ARID2: variants seen among roughly 807,000 people sequenced by gnomAD.
ARID2 encodes AT-rich interactive domain-containing protein 2.
A neutral mutation model predicts 184.6 loss-of-function variants in ARID2; 32 were observed. That is an observed-to-expected ratio of 0.17 (90% CI 0.13 to 0.23). The LOEUF is 0.23. Among genes scored for constraint, ARID2 ranks in the 10% least tolerant of loss-of-function variants. The pLI is 1.00. For missense variants in ARID2, 1,696 were observed against 2,197.6 expected, an observed-to-expected ratio of 0.77 and a Z score of 4.56; for synonymous variants, 836 against 772.6, an observed-to-expected ratio of 1.08 and a Z score of -1.36.
intron 11 of ARID2, 42 bp from the exon 12 acceptor site, chr12:45,846,814 A>T: frequency 6.3e-7 from 1 of 1,590,202 alleles, no homozygotes; most frequent in South Asian, 1.1e-5. Flanking sequence ...AATAGTGACT[A>T]ACTTTTAAGA....
intron 3 of ARID2, among the ~76,000 whole-genome samples, chr12:45,746,057 G>A: frequency 6.6e-6 from 1 of 150,428 alleles, no homozygotes; most frequent in East Asian, 1.9e-4. Flanking sequence ...TTTAGATGGA[G>A]ACCTCTACTG....
intron 20 of ARID2, 106 bp downstream of exon 20, chr12:45,893,827 A>C: frequency 9.7e-7 from 1 of 1,032,292 alleles, no homozygotes; most frequent in Non-Finnish European, 1.3e-6. Flanking sequence ...TTTTCTCATC[A>C]ATTTTGCAAA....
At chr12:45,768,519 T>C (rs1941812300) in intron 3 of ARID2, among the ~76,000 whole-genome samples, 1 of 152,164 alleles carries the variant, frequency 6.6e-6, no homozygotes, top group Non-Finnish European at 1.5e-5. Flanking sequence ...GGGGGAGAAG[T>C]ATGCTGTAAG....
chr12:45,815,623 T>TG (rs1565606659), intron 4 of ARID2, among the ~76,000 whole-genome samples: 19 of 148,466 alleles, frequency 1.3e-4, no homozygotes, highest in African/African-American at 1.8e-4. Flanking sequence ...GTGTGTGTGT[T>TG]TTTAACTTTT....
chr12:45,761,418 A>G (rs1941676538), intron 3 of ARID2, among the ~76,000 whole-genome samples: 1 of 152,018 alleles, frequency 6.6e-6, no homozygotes, highest in East Asian at 1.9e-4. Flanking sequence ...TTTTGTGGTA[A>G]ACATTGAGGC....
chr12:45,742,660 C>T (rs1460034555), intron 3 of ARID2, among the ~76,000 whole-genome samples: 1 of 152,068 alleles, frequency 6.6e-6, no homozygotes, highest in African/African-American at 2.4e-5. Context: ...GTAGCTATAT[C>T]CTAGTTTATT....
intron 16 of ARID2, among the ~76,000 whole-genome samples, chr12:45,861,607 CAG>C (rs1943750404): frequency 1.9e-5 from 2 of 106,166 alleles, no homozygotes; most frequent in Admixed American, 1.3e-4. Flanking sequence ...TTTTTGGAAA[CAG>C]AGTCTCGCTC....
Position 45,905,940 on chromosome 12 carries a change from CTT to C in ARID2, c.*872_*873del, listed in dbSNP as rs1362533296. 3 of 179,026 alleles carry C rather than the reference CTT, an allele frequency of 1.7e-5. No homozygotes were observed. Among genetic ancestry groups the C allele is most frequent in the African/African-American group, 2.8e-5 (1 of 36,132 alleles). The allele number at this position is 179,026 out of a possible 1,614,324, so 11.1% of individuals were successfully genotyped here. A position where few individuals can be genotyped will look rare whatever the true frequency, so the allele number is the denominator to read the frequency against. ...GAACTGTGATTTTTTTTTCTTTTTT[CTT>C]TTTTTTTTTCTTTTTTTTTTTGTAT... On this transcript the variant is annotated 3_prime_UTR_variant, in exon 21 of 21. Transcript: ENST00000334344.
At position 45,852,197 on chromosome 12, in the gene ARID2, T is replaced by G. The variant is rs1943564984; in HGVS notation, c.4074T>G (p.Val1358=). 6.2e-7 allele frequency: 1 copy of G among 1,614,028 alleles called. No homozygotes were observed. Among genetic ancestry groups the G allele is most frequent in the South Asian group, 1.1e-5 (1 of 91,088 alleles). Residue 1358 remains valine, a synonymous_variant, in exon 15 of 21, where the codon GTT becomes GTG. Coordinates refer to ENST00000334344, the MANE Select transcript of ARID2 (RefSeq NM_152641.4). ...AAAGTGATTTGAGAAAACCGCTAGT[T>G]AATGGAATCTGTGATTTTGATAAAG... ...DIKSDLRKPL[V]NGICDFDKGD... is the part of the protein sequence containing the mutation.
rs201984956 is a variant in ARID2 at position 45,851,745 on chromosome 12, A to C, written c.3622A>C (p.Thr1208Pro). ...PAGITMSGTQ[T>P]GVGLPVQTLP... ...AGGAATTACCATGAGCGGAACGCAG[A>C]CAGGAGTTGGACTTCCAGTACAAAC... The change falls in exon 15 of 21, where the codon ACA becomes CCA. Residue 1208 changes from threonine to proline, a missense_variant. By Grantham distance (38) the Thr-to-Pro change is conservative. Coordinates refer to ENST00000334344, the MANE Select transcript of ARID2 (RefSeq NM_152641.4). 7 of 1,614,198 alleles carry C rather than the reference A, an allele frequency of 4.3e-6. No individual in the cohort carries two copies. The highest frequency in any genetic ancestry group is 5.9e-6 in the Non-Finnish European group (7 of 1,180,018).
intron 3 of ARID2, among the ~76,000 whole-genome samples, chr12:45,767,214 T>C (rs1941788309): frequency 6.6e-6 from 1 of 152,200 alleles, no homozygotes; most frequent in Non-Finnish European, 1.5e-5. Context: ...TGTTCAAGTC[T>C]TTTGTGCACC....
At chr12:45,788,803 A>T (rs1317665227) in intron 3 of ARID2, among the ~76,000 whole-genome samples, 1 of 152,180 alleles carries the variant, frequency 6.6e-6, no homozygotes, top group Non-Finnish European at 1.5e-5. Context: ...ATTTAAACAT[A>T]ATCTTTTATG....
intron 3 of ARID2, among the ~76,000 whole-genome samples, chr12:45,768,847 A>C (rs1197720619): frequency 6.6e-6 from 1 of 152,200 alleles, no homozygotes; most frequent in Non-Finnish European, 1.5e-5. Flanking sequence ...AAAACAATGG[A>C]GTAATCAGCC....
chr12:45,870,338 A>G (rs1156856227), intron 16 of ARID2, among the ~76,000 whole-genome samples: 1 of 152,138 alleles, frequency 6.6e-6, no homozygotes, highest in Non-Finnish European at 1.5e-5. Flanking sequence ...AATCGAGCAG[A>G]CAGAATAGAG....
chr12:45,868,749 T>C (rs114000111), intron 16 of ARID2, among the ~76,000 whole-genome samples: 2,984 of 152,312 alleles, frequency 0.02, 97 homozygotes, highest in African/African-American at 0.068. Flanking sequence ...TTGCCACCTT[T>C]GTCATATACT....
At chr12:45,763,395 A>G (rs1032258770) in intron 3 of ARID2, among the ~76,000 whole-genome samples, 1 of 151,912 alleles carries the variant, frequency 6.6e-6, no homozygotes, top group Admixed American at 6.6e-5. Context: ...ACTTGAACCC[A>G]GGAGGCGGAG....
At chr12:45,860,758 T>C in intron 15 of ARID2, 43 bp from the exon 16 acceptor site, 1 of 1,404,548 alleles carries the variant, frequency 7.1e-7, no homozygotes, top group Non-Finnish European at 9.4e-7. Flanking sequence ...TATGAATTTT[T>C]TCAGTGTCAT....
At chr12:45,767,683 ACT>A (rs1275422034) in intron 3 of ARID2, among the ~76,000 whole-genome samples, 2 of 151,850 alleles carry the variant, frequency 1.3e-5, no homozygotes, top group Non-Finnish European at 2.9e-5. Flanking sequence ...ACAAAACAAA[ACT>A]CTCAGTTCTG....
At chr12:45,812,606 A>G (rs1287771670) in intron 4 of ARID2, among the ~76,000 whole-genome samples, 4 of 152,218 alleles carry the variant, frequency 2.6e-5, no homozygotes, top group Non-Finnish European at 5.9e-5. Flanking sequence ...AAGAACCAAG[A>G]GTAAAGGAGA....
Sources: allele counts gnomAD v4.1 joint callset (sites outside exome capture counted in the v4.1 genomes callset), GRCh38; gene constraint gnomAD v4.1.1; transcripts MANE v1.5; gene names NCBI Gene and HGNC (gene_info 2026-07-23, HGNC 2026-07-21).